Variants in MGAM observed in about 807,000 individuals in gnomAD.
MGAM encodes alpha-1,4-glucosidase.
Under a neutral mutation model 358.8 loss-of-function variants are expected in MGAM, and 253 were observed. The ratio of observed to expected loss-of-function variants is 0.71; its 90% CI spans 0.64 to 0.78. The LOEUF (loss-of-function observed/expected upper bound fraction) is 0.78. MGAM is among the 30% of genes least tolerant of loss of function. MGAM has a pLI of 0.00. For missense variants in MGAM, 3,080 were observed against 3,432.6 expected, an observed-to-expected ratio of 0.90 and a Z score of 2.57; for synonymous variants, 1,105 against 1,227.1, an observed-to-expected ratio of 0.90 and a Z score of 2.08.
In MGAM at chr7:142,043,112, CTAAATATAATATA is replaced by C. The variant is rs1295874168; in HGVS notation, c.2498+2269_2498+2281del. ...TATATATTATATATACATATAATAT[CTAAATATAATATA>C]TATATTATATATACATATAATATCT... On this transcript the variant is annotated intron_variant, in intron 21 of 70. Transcript: ENST00000475668. Among the ~76,000 whole-genome samples, 60 of 40,676 alleles carry C rather than the reference CTAAATATAATATA, an allele frequency of 1.5e-3. 1 individual carries two copies. Among genetic ancestry groups the C allele is most frequent in the African/African-American group, 8.2e-3 (59 of 7,172 alleles). The allele number at this position is 40,676 out of a possible 152,430, so 26.7% of individuals were successfully genotyped here.
chr7:142,093,326 A>C, intron 59 of MGAM, 86 bp from the exon 60 acceptor site: 2 of 1,433,158 alleles, frequency 1.4e-6, no homozygotes, highest in South Asian at 2.5e-5. Context: ...AGTTAGTCTT[A>C]AGATCCAGGG....
rs1814397628 is a variant in MGAM at position 142,082,480 on chromosome 7, G to A, written c.6177G>A (p.Lys2059=). The A allele has an allele frequency of 6.6e-7, 1 of 1,525,340 alleles. No individual in the cohort carries two copies. Among genetic ancestry groups the A allele is most frequent in the African/African-American group, 1.3e-5 (1 of 74,216 alleles). 94.5% of individuals were successfully genotyped at this position (1,525,340 alleles called of 1,614,324 possible). A position where few individuals can be genotyped will look rare whatever the true frequency, so the allele number is the denominator to read the frequency against. ...TTCTCCCCATGACTCTCCAGTACAA[G>A]AAGAATTCCTATGGTGTCCACCCCT... The part of the protein sequence containing the change: ...MFSRDQPPGY[K]KNSYGVHPYY... The change falls in exon 52 of 71, where the codon AAG becomes AAA. Residue 2059 remains lysine, a synonymous_variant. Coordinates refer to ENST00000475668, the MANE Select transcript of MGAM (RefSeq NM_001365693.1).
At position 142,021,027 on chromosome 7, in the gene MGAM, G is replaced by A. The variant is rs782367862; in HGVS notation, c.502G>A (p.Val168Ile). 6.2e-7 allele frequency: 1 copy of A among 1,613,590 alleles called. No homozygotes were observed. Among genetic ancestry groups the A allele is most frequent in the Non-Finnish European group, 8.5e-7 (1 of 1,179,660 alleles). The change falls in exon 5 of 71, where the codon GTT (valine) becomes ATT (isoleucine). Residue 168 changes from valine to isoleucine, a missense_variant. Val to Ile is a conservative substitution (Grantham distance 29). Around this residue, in one of 5 missense-constraint regions of MGAM, gnomAD observed 1,816 missense variants for 1,840.5 expected, o/e 0.99. Transcript: ENST00000475668. ...TTCTTCACCAGTGTTTGGAAGCAAT[G>A]TTGACAATGTTCTTCTCACAGCAGA... ...LPSSPVFGSN[V>I]DNVLLTAEYQ...
chr7:142,079,545 A>T (rs923033795), intron 49 of MGAM, among the ~76,000 whole-genome samples: 1 of 146,068 alleles, frequency 6.8e-6, no homozygotes, highest in Non-Finnish European at 1.5e-5. Context: ...TGAATTTGAG[A>T]TACGTATAAA....
intron 34 of MGAM, 147 bp from the exon 35 acceptor site, chr7:142,062,421 A>G: frequency 1.8e-6 from 2 of 1,083,048 alleles, no homozygotes; most frequent in African/African-American, 1.6e-5. Flanking sequence ...ACATTTCTCT[A>G]AGAAGTTAAT....
chr7:142,031,157 A>G (rs536725335), intron 12 of MGAM, among the ~76,000 whole-genome samples: 2 of 152,264 alleles, frequency 1.3e-5, no homozygotes, highest in Admixed American at 1.3e-4. Flanking sequence ...ATTTTCCTGC[A>G]TTATTTGACA....
intron 70 of MGAM, among the ~76,000 whole-genome samples, chr7:142,104,298 A>G (rs1160681184): frequency 6.6e-6 from 1 of 152,204 alleles, no homozygotes; most frequent in Admixed American, 6.6e-5. Context: ...CGTAATTTAA[A>G]AGAGGTAGAC....
At chr7:142,024,416 A>G (rs201267774) in intron 7 of MGAM, among the ~76,000 whole-genome samples, 2 of 16,538 alleles carry the variant, frequency 1.2e-4, no homozygotes, top group African/African-American at 6.6e-4. Flanking sequence ...CCTGTCTGGA[A>G]AAAAAAAAAA....
Position 142,094,836 on chromosome 7 carries a change from A to G in MGAM, c.7431A>G (p.Ser2477=). Residue 2477 remains serine, a synonymous_variant, in exon 63 of 71, where the codon TCA becomes TCG. Coordinates refer to ENST00000475668, the MANE Select transcript of MGAM (RefSeq NM_001365693.1). ...WMQLGAFYPF[S]RNHNTIGTRR... ...AGCTGGGGGCCTTTTACCCCTTCTC[A>G]AGAAACCACAACACCATTGGGACCA... 1 of 1,613,940 alleles carries G rather than the reference A, an allele frequency of 6.2e-7. No individual in the cohort carries two copies. The highest frequency in any genetic ancestry group is 8.5e-7 in the Non-Finnish European group (1 of 1,179,882).
In MGAM at chr7:142,079,016, C is replaced by T. The variant is rs372603679; in HGVS notation, c.5847+8C>T. 6.1e-5 allele frequency: 94 copies of T among 1,542,470 alleles called. 14 individuals are homozygous for T. The East Asian group carries it at 6.4e-4, about 10-fold the overall frequency. Reference sequence around the variant, plus strand: ...GAAATGCTACAGTTCAAGGTAAACACGGTACATATATCAGGCAGTGATAAG... The same window carrying T: ...GAAATGCTACAGTTCAAGGTAAACATGGTACATATATCAGGCAGTGATAAG... On this transcript the variant is annotated splice_region_variant and intron_variant, in intron 49 of 70. Coordinates refer to ENST00000475668, the MANE Select transcript of MGAM (RefSeq NM_001365693.1).
chr7:142,042,581 T>A (rs1353064508), intron 21 of MGAM, among the ~76,000 whole-genome samples: 3 of 23,310 alleles, frequency 1.3e-4, no homozygotes, highest in South Asian at 2.1e-3. Context: ...ATAATATATA[T>A]TATATATACA....
At chr7:142,057,045 G>A in intron 30 of MGAM, 103 bp downstream of exon 30, 2 of 997,436 alleles carry the variant, frequency 2.0e-6, no homozygotes, top group South Asian at 1.8e-5. Flanking sequence ...TGGAAATATT[G>A]GTCTTTCTTG....
At chr7:142,026,065 T>C (rs1806935757) in intron 8 of MGAM, among the ~76,000 whole-genome samples, 1 of 152,216 alleles carries the variant, frequency 6.6e-6, no homozygotes, top group Non-Finnish European at 1.5e-5. Flanking sequence ...GTATGAGTTG[T>C]TCCTATGACC....
Position 142,083,348 on chromosome 7 carries a change from G to T in MGAM, c.6316G>T (p.Gly2106Ter). 1 of 1,554,306 alleles carries T rather than the reference G, an allele frequency of 6.4e-7. No individual in the cohort carries two copies. Among genetic ancestry groups the T allele is most frequent in the Non-Finnish European group, 8.8e-7 (1 of 1,131,650 alleles). The stretch of plus-strand genomic sequence containing the variant: ...TGCCTTGACATACCGTACCACAGGG[G>T]GAGTTCTGGACTTTTATGTGTTCTT... ...LPALTYRTTG[G>*]VLDFYVFLGP... Residue 2106 changes from glycine (G) to a stop codon, truncating the protein, a stop_gained, in exon 53 of 71, where the codon GGA becomes TGA. Coordinates refer to ENST00000475668, the MANE Select transcript of MGAM (RefSeq NM_001365693.1). LOFTEE classifies it high-confidence loss of function.
Position 142,085,841 on chromosome 7 carries a change from G to T in MGAM, c.6516G>T (p.Gln2172His). The change falls in exon 55 of 71, where the codon CAG becomes CAT. Residue 2172 changes from glutamine to histidine, a missense_variant. This residue lies in a region of MGAM where 932 missense variants were observed against 1,198.2 expected (regional missense o/e 0.78). Coordinates refer to ENST00000475668, the MANE Select transcript of MGAM (RefSeq NM_001365693.1). ...CCCATGTCCTCCCGCAGGACGTGCA[G>T]TACTCAGACATCGACTACATGGAGC... ...MVAAQIPYDV[Q>H]YSDIDYMERQ... 6.4e-7 allele frequency: 1 copy of T among 1,565,104 alleles called. No homozygotes were observed. The highest frequency in any genetic ancestry group is 2.3e-5 in the East Asian group (1 of 43,870).
intron 32 of MGAM, 74 bp from the exon 33 acceptor site, chr7:142,059,782 G>A (rs1811926609): frequency 7.0e-6 from 11 of 1,574,104 alleles, no homozygotes; most frequent in African/African-American, 1.3e-5. Context: ...TCACCCTTGA[G>A]GAGTTCTCCT....
Position 142,020,514 on chromosome 7 carries a change from G to A in MGAM, c.449-460G>A, listed in dbSNP as rs1554458193. 1.3e-5 allele frequency among the ~76,000 whole-genome samples: 2 copies of A among 151,168 alleles called. 1 individual carries two copies. The highest frequency in any genetic ancestry group is 1.3e-4 in the Admixed American group (2 of 15,202). On this transcript the variant is annotated intron_variant, in intron 4 of 70. Transcript: ENST00000475668. ...GCCATAGATAGTATGTGCGTATGAT[G>A]GGGTATATATCTGTCTTTTCCCTTC...
At chr7:142,058,689 A>G (rs1811802545) in intron 31 of MGAM, among the ~76,000 whole-genome samples, 1 of 152,244 alleles carries the variant, frequency 6.6e-6, no homozygotes, top group South Asian at 2.1e-4. Flanking sequence ...TTAATTCTTG[A>G]AAAGACTAAC....
At chr7:142,037,035 A>G (rs1808057022) in intron 18 of MGAM, 58 bp downstream of exon 18, 3 of 1,507,054 alleles carry the variant, frequency 2.0e-6, no homozygotes, top group Admixed American at 1.8e-5. Flanking sequence ...CATTGACTAT[A>G]TCATCAAATA....
Sources: allele counts gnomAD v4.1 joint callset (sites outside exome capture counted in the v4.1 genomes callset), GRCh38; gene constraint gnomAD v4.1.1; regional missense constraint gnomAD v4.1.1; transcripts MANE v1.5; gene names NCBI Gene and HGNC (gene_info 2026-07-23, HGNC 2026-07-21).